The following PAK4 variants were observed in gnomAD, a reference collection of about 807,000 sequenced individuals.
PAK4 encodes the protein p21 (RAC1) activated kinase 4.
A neutral mutation model predicts 53.5 loss-of-function variants in PAK4; 49 were observed. The observed-to-expected ratio is 0.92, with a 90% CI of 0.73 to 1.16. The LOEUF (loss-of-function observed/expected upper bound fraction) is 1.16. Ranked by LOEUF, PAK4 falls within the 50% of genes most tolerant of loss-of-function variation. The pLI, the probability that PAK4 is intolerant of heterozygous loss-of-function variation, is 0.00. For synonymous variants in PAK4, 376 were observed against 375.6 expected (o/e 1.00, Z -0.01); for missense variants, 824 against 850.7 (o/e 0.97, Z 0.39).
At chr19:39,148,140 C>T (rs1054924045) in intron 1 of PAK4, among the ~76,000 whole-genome samples, 23 of 151,538 alleles carry the variant, frequency 1.5e-4, no homozygotes, top group Admixed American at 9.2e-4. Flanking sequence ...TTAGTAGAGA[C>T]GGGGTTTCAC....
intron 1 of PAK4, among the ~76,000 whole-genome samples, chr19:39,158,190 A>C (rs1462381264): frequency 6.9e-6 from 1 of 145,450 alleles, no homozygotes; most frequent in Admixed American, 6.8e-5. Flanking sequence ...CATGTGTGTG[A>C]GCGTGCATGT....
rs115339655 is a variant in PAK4 at position 39,173,085 on chromosome 19, G to A, written c.372G>A (p.Thr124=). Residue 124 remains threonine, a synonymous_variant, in exon 3 of 9, where the codon ACG becomes ACA. Coordinates refer to ENST00000358301, the Ensembl canonical transcript of PAK4. The surrounding 1 kb of genome is among the most constrained non-coding windows in gnomAD (Gnocchi z 6.9). ...GGATGCCAGAGGAGCCGGCCACCAC[G>A]GCCAGAGGGGGCCCAGGGAAGGCAG... 2.0e-3 allele frequency: 3,027 copies of A among 1,548,548 alleles called. 53 individuals carry two copies. In the African/African-American group the frequency reaches 0.035, roughly 18 times the overall value.
At chr19:39,177,915 T>C in intron 8 of PAK4, 106 bp downstream of exon 9, 1 of 1,293,056 alleles carries the variant, frequency 7.7e-7, no homozygotes, top group Non-Finnish European at 1.1e-6. Flanking sequence ...GCGCCTGGGA[T>C]GGCGCTTACT....
chr19:39,174,022 G>GCCGCC lies in PAK4; in HGVS notation c.1098+13_1098+14insCGCCC. On this transcript the variant is annotated intron_variant, in intron 4 of 8. Transcript: ENST00000358301. ...TGCTCTTCAACGAGGTGCGGGCGCT[G>GCCGCC]CTGCCCTGCCGCCCTGCTGGTCCTC... 6.5e-7 allele frequency: 1 copy of GCCGCC among 1,540,334 alleles called. No individual in the cohort carries two copies. The highest frequency in any genetic ancestry group is 1.2e-5 in the South Asian group (1 of 84,222).
In PAK4 at chr19:39,161,231, C is replaced by T. The variant is rs2074279219; in HGVS notation, c.-22-8301C>T. Among the ~76,000 whole-genome samples, 1 of 152,198 alleles carries T rather than the reference C, an allele frequency of 6.6e-6. No individual in the cohort carries two copies. Among genetic ancestry groups the T allele is most frequent in the Admixed American group, 6.5e-5 (1 of 15,286 alleles). ...AGCCATCATGAACCAAAACGCGGTC[C>T]CTGTCCATATGAGTCACTGACTTAG... On this transcript the variant is annotated intron_variant, in intron 1 of 8. Transcript: ENST00000358301. This position sits in a 1 kb window ranked among gnomAD's most constrained non-coding sequence, Gnocchi z 4.5.
intron 1 of PAK4, among the ~76,000 whole-genome samples, chr19:39,158,998 A>T (rs2074240170): frequency 6.6e-6 from 1 of 152,088 alleles, no homozygotes. Context: ...GTGAGGCCCC[A>T]CTCGGCACCA....
At chr19:39,147,692 A>G (rs2074023272) in intron 1 of PAK4, among the ~76,000 whole-genome samples, 1 of 152,094 alleles carries the variant, frequency 6.6e-6, no homozygotes, top group Non-Finnish European at 1.5e-5. Flanking sequence ...GTGTGCAGTG[A>G]TAACTCATTG....
At chr19:39,149,886 T>C (rs2074065391) in intron 1 of PAK4, among the ~76,000 whole-genome samples, 2 of 152,062 alleles carry the variant, frequency 1.3e-5, no homozygotes. Flanking sequence ...TATATGTTTA[T>C]GTATATATAG....
chr19:39,131,498 CAAGTCATGGCCAGGG>C (rs2073710201), intron 1 of PAK4, among the ~76,000 whole-genome samples: 1 of 152,204 alleles, frequency 6.6e-6, no homozygotes, highest in Non-Finnish European at 1.5e-5. Context: ...AACCTCCTTC[CAAGTCATGGCCAGGG>C]AAGTGGGACC....
At chr19:39,136,200 T>C (rs371258431) in intron 1 of PAK4, among the ~76,000 whole-genome samples, 1 of 144,972 alleles carries the variant, frequency 6.9e-6, no homozygotes, top group Non-Finnish European at 1.5e-5. Flanking sequence ...TCCTGGACCA[T>C]TGAGGCGTGC....
intron 1 of PAK4, among the ~76,000 whole-genome samples, chr19:39,131,972 A>G (rs1435242857): frequency 6.6e-6 from 1 of 152,126 alleles, no homozygotes; most frequent in Non-Finnish European, 1.5e-5. Context: ...GCACTCAGTA[A>G]GTGCTTGGTA....
At chr19:39,158,721 ACT>A (rs1258982197) in intron 1 of PAK4, among the ~76,000 whole-genome samples, 5 of 151,922 alleles carry the variant, frequency 3.3e-5, no homozygotes, top group South Asian at 2.1e-4. Context: ...GTTGAGCCAC[ACT>A]CTCTGCGCTG....
chr19:39,177,924 C>A, intron 8 of PAK4, 115 bp downstream of exon 9: 1 of 1,243,550 alleles, frequency 8.0e-7, no homozygotes, highest in Non-Finnish European at 1.1e-6. Context: ...ATGGCGCTTA[C>A]TGTGTGCTGG....
rs776379222 is a variant in PAK4, at chr19:39,175,003, C to T, written c.1171C>T (p.Leu391Phe). The T allele has an allele frequency of 9.9e-6, 16 of 1,613,852 alleles. No individual in the cohort carries two copies. The highest frequency in any genetic ancestry group is 1.4e-5 in the Non-Finnish European group (16 of 1,179,908). ...CAACAGCTACCTGGTGGGGGACGAG[C>T]TCTGGGTGGTCATGGAGTTCCTGGA... The change falls in exon 5 of 9, where the codon CTC becomes TTC. Residue 391 changes from leucine to phenylalanine, a missense_variant. Physicochemically the swap from Leu to Phe is conservative, Grantham distance 22. Coordinates refer to ENST00000358301, the Ensembl canonical transcript of PAK4. This position sits in a 1 kb window ranked among gnomAD's most constrained non-coding sequence, Gnocchi z 4.7.
chr19:39,127,719 A>G (rs928002919), intron 1 of PAK4, among the ~76,000 whole-genome samples: 3 of 152,166 alleles, frequency 2.0e-5, no homozygotes, highest in Non-Finnish European at 2.9e-5. Context: ...GTGACACAAG[A>G]CTGCGTCTCT....
intron 1 of PAK4, among the ~76,000 whole-genome samples, chr19:39,138,469 G>A (rs186817221): frequency 5.9e-5 from 9 of 152,342 alleles, no homozygotes; most frequent in Admixed American, 2.0e-4. Context: ...ATCCATGAAC[G>A]TGGTATGTCT....
chr19:39,160,718 T>C (rs2074270735), intron 1 of PAK4, among the ~76,000 whole-genome samples: 1 of 152,160 alleles, frequency 6.6e-6, no homozygotes, highest in South Asian at 2.1e-4. Context: ...GTCAGGGCCG[T>C]GTTGAATCAG....
At position 39,173,834 on chromosome 19, in the gene PAK4, C is replaced by T; in HGVS notation, c.922C>T (p.Leu308=). Residue 308 remains leucine, a synonymous_variant, in exon 4 of 9, where the codon CTG becomes TTG. Transcript: ENST00000358301. The surrounding 1 kb of genome is among the most constrained non-coding windows in gnomAD (Gnocchi z 6.9). ...ATCCCATGAGCAGTTCCGGGCTGCC[C>T]TGCAGCTGGTGGTGGACCCAGGCGA... 6.2e-7 allele frequency: 1 copy of T among 1,612,638 alleles called. No homozygotes were observed. Among genetic ancestry groups the T allele is most frequent in the Non-Finnish European group, 8.5e-7 (1 of 1,179,814 alleles).
At chr19:39,142,680 T>C (rs1208967228) in intron 1 of PAK4, among the ~76,000 whole-genome samples, 1 of 152,218 alleles carries the variant, frequency 6.6e-6, no homozygotes, top group Non-Finnish European at 1.5e-5. Flanking sequence ...AGCTGAGAGC[T>C]GCTGCCACCC....
Sources: gnomAD v4.1 joint callset for allele counts (sites outside exome capture counted in the v4.1 genomes callset) on GRCh38, gnomAD v4.1.1 for gene constraint, Gnocchi (gnomAD v3.1) non-coding constraint, MANE v1.5 for transcripts, NCBI Gene and HGNC (gene_info 2026-07-23, HGNC 2026-07-21) for gene names.